Variants in NPHP1 observed in about 807,000 individuals in gnomAD.
NPHP1 encodes nephrocystin 1.
A neutral mutation model predicts 90.4 loss-of-function variants in NPHP1; 70 were observed. That is an observed-to-expected ratio of 0.77 (90% confidence interval 0.64 to 0.95). The LOEUF (loss-of-function observed/expected upper bound fraction) is 0.95. Ranked by LOEUF, NPHP1 falls within the 40% of genes least tolerant of loss-of-function variation. The probability of loss-of-function intolerance (pLI) is 0.00; values close to 1 mark genes in which losing one functional copy is unlikely to be tolerated. For missense variants in NPHP1, 764 were observed against 795.9 expected, an observed-to-expected ratio of 0.96 and a Z score of 0.48; for synonymous variants, 256 against 271.7, an observed-to-expected ratio of 0.94 and a Z score of 0.57.
rs1683004600 is a variant in NPHP1, at chr2:110,169,962, T to G, written c.366A>C (p.Glu122Asp). 6.2e-7 allele frequency: 1 copy of G among 1,610,386 alleles called. No individual in the cohort carries two copies. Among genetic ancestry groups the G allele is most frequent in the African/African-American group, 1.3e-5 (1 of 74,822 alleles). The stretch of plus-strand genomic sequence containing the variant: ...CACCACTGTCTTCACTATCTTCACT[T>G]TCACTTTCTTCCTCTTCTTCAGTAG... ...GAPTEEEEES[E>D]SEDSEDSGGE... is the part of the protein sequence containing the mutation. The change falls in exon 5 of 20, where the codon GAA (glutamate) becomes GAC (aspartate). Residue 122 changes from glutamate to aspartate, a missense_variant. Transcript: ENST00000445609.
intron 2 of NPHP1, among the ~76,000 whole-genome samples, chr2:110,188,117 G>A (rs1684426214): frequency 6.6e-6 from 1 of 152,170 alleles, no homozygotes; most frequent in Admixed American, 6.5e-5. Context: ...AGACAAGGAT[G>A]CCCTCCCTCA....
chr2:110,197,262 T>G (rs1430265110), intron 2 of NPHP1, among the ~76,000 whole-genome samples: 1 of 152,006 alleles, frequency 6.6e-6, no homozygotes, highest in Non-Finnish European at 1.5e-5. Flanking sequence ...ACCTGCACAA[T>G]GCCATACATG....
At chr2:110,192,884 G>A (rs917120369) in intron 2 of NPHP1, among the ~76,000 whole-genome samples, 8 of 152,162 alleles carry the variant, frequency 5.3e-5, no homozygotes, top group African/African-American at 1.9e-4. Flanking sequence ...TTTCAACCCC[G>A]AATTTCATAT....
At chr2:110,149,609 T>C (rs1431001625) in intron 12 of NPHP1, among the ~76,000 whole-genome samples, 1 of 152,156 alleles carries the variant, frequency 6.6e-6, no homozygotes, top group Non-Finnish European at 1.5e-5. Flanking sequence ...CAGGATGCAG[T>C]TATACAAGGG....
chr2:110,136,267 C>T (rs1042997464), intron 16 of NPHP1, among the ~76,000 whole-genome samples: 1 of 152,080 alleles, frequency 6.6e-6, no homozygotes, highest in Non-Finnish European at 1.5e-5. Context: ...TGGCACAAGA[C>T]AGGGATGTCC....
chr2:110,200,752 C>T (rs17463266), intron 2 of NPHP1, among the ~76,000 whole-genome samples: 10,628 of 152,102 alleles, frequency 0.07, 559 homozygotes, highest in Middle Eastern at 0.12. Flanking sequence ...CTTAATCAAT[C>T]CTACTATTAT....
chr2:110,190,517 G>A (rs55984257), intron 2 of NPHP1, among the ~76,000 whole-genome samples: 6,512 of 152,266 alleles, frequency 0.043, 454 homozygotes, highest in African/African-American at 0.15. Context: ...ACGCCCACCC[G>A]GAACTCACGC....
At chr2:110,124,393 G>A (rs1255073093) in intron 19 of NPHP1, 11 of 390,270 alleles carry the variant, frequency 2.8e-5, no homozygotes, top group Non-Finnish European at 4.8e-5. Flanking sequence ...GTGGTTAGGG[G>A]TAAATATAAC....
chr2:110,164,450 C>A, intron 8 of NPHP1: 1 of 797,164 alleles, frequency 1.3e-6, no homozygotes, highest in South Asian at 1.4e-5. Flanking sequence ...GTTTCCAAGT[C>A]CTCAAGTGAC....
At chr2:110,187,718 G>C (rs1272950939) in intron 2 of NPHP1, among the ~76,000 whole-genome samples, 2 of 152,040 alleles carry the variant, frequency 1.3e-5, no homozygotes, top group East Asian at 3.9e-4. Flanking sequence ...AGCAAAAACA[G>C]AAAACTTAAA....
intron 15 of NPHP1, 148 bp downstream of exon 15, chr2:110,144,345 A>G (rs573189421): frequency 1.6e-6 from 1 of 637,922 alleles, no homozygotes; most frequent in Admixed American, 2.8e-5. Flanking sequence ...AGTACTTAAA[A>G]ATGATTAAAA....
At chr2:110,151,620 T>C (rs1423335927) in intron 11 of NPHP1, among the ~76,000 whole-genome samples, 1 of 152,152 alleles carries the variant, frequency 6.6e-6, no homozygotes, top group African/African-American at 2.4e-5. Flanking sequence ...GAGTATTTTA[T>C]GGGCAGCTGG....
At chr2:110,159,993 T>C in intron 11 of NPHP1, 134 bp downstream of exon 11, 1 of 824,240 alleles carries the variant, frequency 1.2e-6, no homozygotes, top group Non-Finnish European at 2.0e-6. Context: ...TTTCAAAGAG[T>C]CATTCAAATT....
intron 4 of NPHP1, among the ~76,000 whole-genome samples, chr2:110,174,817 C>CTTT (rs112745291): frequency 7.5e-6 from 1 of 133,182 alleles, no homozygotes; most frequent in Non-Finnish European, 1.6e-5. Context: ...CATTTTTGTG[C>CTTT]TTTTTTTTTT....
intron 4 of NPHP1, among the ~76,000 whole-genome samples, chr2:110,171,473 T>C (rs796471046): frequency 2.4e-4 from 37 of 152,302 alleles, no homozygotes; most frequent in African/African-American, 8.9e-4. Context: ...AGCTGAACTT[T>C]GTTTAAAATA....
chr2:110,134,752 T>C (rs1296137059), intron 16 of NPHP1, among the ~76,000 whole-genome samples: 12 of 152,012 alleles, frequency 7.9e-5, no homozygotes, highest in Non-Finnish European at 5.9e-5. Flanking sequence ...ATTTTCTCAA[T>C]TGATGCTGAG....
intron 5 of NPHP1, among the ~76,000 whole-genome samples, chr2:110,169,144 A>AT (rs1371550387): frequency 5.9e-5 from 9 of 152,210 alleles, no homozygotes; most frequent in Admixed American, 1.3e-4. Flanking sequence ...AATATACATT[A>AT]TTGTCTAATA....
intron 4 of NPHP1, among the ~76,000 whole-genome samples, chr2:110,171,182 A>C (rs1464660635): frequency 1.3e-5 from 2 of 152,186 alleles, no homozygotes; most frequent in Non-Finnish European, 2.9e-5. Context: ...GAGAAATGCC[A>C]AAATAATGTT....
intron 2 of NPHP1, chr2:110,184,243 A>G: frequency 3.4e-6 from 2 of 580,076 alleles, no homozygotes; most frequent in South Asian, 1.4e-5. Context: ...TTCAAAGCCA[A>G]GGAGCACCAA....
Sources: allele counts gnomAD v4.1 joint callset (sites outside exome capture counted in the v4.1 genomes callset), GRCh38; gene constraint gnomAD v4.1.1; transcripts MANE v1.5; gene names NCBI Gene and HGNC (gene_info 2026-07-23, HGNC 2026-07-21).